ATP8A2: variants seen among roughly 807,000 people sequenced by gnomAD.
ATP8A2 encodes ATPase phospholipid transporting 8A2, also known as phospholipid-transporting ATPase IB.
ATP8A2 carries 100 observed loss-of-function variants against 165.6 expected under a neutral mutation model. That is an observed-to-expected ratio of 0.60 (90% CI 0.51 to 0.71). The LOEUF (loss-of-function observed/expected upper bound fraction) is 0.71, where lower values mean the gene tolerates loss of function less well. Ranked by LOEUF, ATP8A2 falls within the 30% of genes least tolerant of loss-of-function variation. The pLI is 0.00. For missense variants in ATP8A2, 1,227 were observed against 1,479.5 expected (o/e 0.83, Z 2.80); for synonymous variants, 543 against 548.8 (o/e 0.99, Z 0.15).
chr13:25,705,273 GAA>G lies in ATP8A2; in HGVS notation c.2384+5931_2384+5932del, dbSNP rs1172880282. On this transcript the variant is annotated intron_variant, in intron 25 of 36. Transcript: ENST00000381655. ...ATCTTTAAAGTGACTGTCTCGTCAGGAAAAGAGTCATGAAAGAATCATCAGTG... is the reference window on the plus strand; with the variant it reads ...ATCTTTAAAGTGACTGTCTCGTCAGGAAGAGTCATGAAAGAATCATCAGTG... 2.2e-5 allele frequency: 7 copies of G among 317,402 alleles called. No individual in the cohort carries two copies. The East Asian group carries it at 8.1e-4, about 37-fold the overall frequency. The allele number at this position is 317,402 out of a possible 1,614,324, so 19.7% of individuals were successfully genotyped here. A position where few individuals can be genotyped will look rare whatever the true frequency, so the allele number is the denominator to read the frequency against.
At chr13:25,916,835 T>A (rs1954282181) in intron 33 of ATP8A2, among the ~76,000 whole-genome samples, 2 of 152,160 alleles carry the variant, frequency 1.3e-5, no homozygotes, top group Non-Finnish European at 2.9e-5. Context: ...TTAGTTTGCT[T>A]CTCTTCTTTC....
chr13:25,694,573 C>T (rs1036737382), intron 24 of ATP8A2, among the ~76,000 whole-genome samples: 1 of 152,202 alleles, frequency 6.6e-6, no homozygotes, highest in Non-Finnish European at 1.5e-5. Context: ...ATTTTTTTCT[C>T]TCTACCCAAA....
chr13:25,868,447 C>T (rs1023896649), intron 33 of ATP8A2, among the ~76,000 whole-genome samples: 4 of 152,180 alleles, frequency 2.6e-5, no homozygotes, highest in Non-Finnish European at 4.4e-5. Context: ...AGCAGAGATT[C>T]ACCTTTCGGT....
chr13:26,019,747 C>T, intron 36 of ATP8A2, 141 bp from the exon 37 acceptor site: 1 of 609,264 alleles, frequency 1.6e-6, no homozygotes. Context: ...TTCTTCATCT[C>T]AAGCCTCCAC....
At chr13:25,915,542 A>T (rs1181999) in intron 33 of ATP8A2, among the ~76,000 whole-genome samples, 152,238 of 152,308 alleles carry the variant, frequency 1, 76,084 homozygotes, top group Middle Eastern at 1. Context: ...AATAAGTGAA[A>T]CATGGCCAAT....
At chr13:25,528,618 G>A (rs1244250015) in intron 2 of ATP8A2, among the ~76,000 whole-genome samples, 1 of 152,018 alleles carries the variant, frequency 6.6e-6, no homozygotes, top group Non-Finnish European at 1.5e-5. Flanking sequence ...CCTTCTATTG[G>A]GGTGCTTCTA....
At position 25,508,268 on chromosome 13, in the gene ATP8A2, G is replaced by A. The variant is rs1011784013; in HGVS notation, c.222-21731G>A. 3.9e-5 allele frequency among the ~76,000 whole-genome samples: 6 copies of A among 152,112 alleles called. No homozygotes were observed. In the East Asian group the frequency reaches 5.8e-4, roughly 15 times the overall value. On this transcript the variant is annotated intron_variant, in intron 2 of 36. Transcript: ENST00000381655. Reference sequence around the variant, plus strand: ...AACTTAGGAAATCTGAATGCAGTGCGGACTTTAGTTTAATTTTTAACAACC... The same window carrying A: ...AACTTAGGAAATCTGAATGCAGTGCAGACTTTAGTTTAATTTTTAACAACC...
At chr13:25,620,382 G>A (rs1445814971) in intron 24 of ATP8A2, among the ~76,000 whole-genome samples, 1 of 152,150 alleles carries the variant, frequency 6.6e-6, no homozygotes, top group Non-Finnish European at 1.5e-5. Flanking sequence ...TTTGAAGAAT[G>A]GGGTTAAAAT....
At chr13:25,945,979 G>A (rs1955198998) in intron 33 of ATP8A2, among the ~76,000 whole-genome samples, 1 of 152,204 alleles carries the variant, frequency 6.6e-6, no homozygotes, top group Non-Finnish European at 1.5e-5. Context: ...TTCATTCTAG[G>A]ACCTCTCAGG....
chr13:25,553,272 T>G (rs1230580461), intron 11 of ATP8A2, among the ~76,000 whole-genome samples: 1 of 151,372 alleles, frequency 6.6e-6, no homozygotes, highest in Non-Finnish European at 1.5e-5. Context: ...TGTTCCATCC[T>G]TAGGGAACTT....
At chr13:25,775,091 TG>T in intron 27 of ATP8A2, 132 bp downstream of exon 27, 1 of 587,522 alleles carries the variant, frequency 1.7e-6, no homozygotes, top group Non-Finnish European at 3.0e-6. Flanking sequence ...TTCTACAGCC[TG>T]GGTCACATGT....
At position 25,895,113 on chromosome 13, in the gene ATP8A2, AT is replaced by A. The variant is rs1759335965; in HGVS notation, c.3183+32710del. 3.9e-5 allele frequency among the ~76,000 whole-genome samples: 6 copies of A among 152,216 alleles called. No homozygotes were observed. In the South Asian group the frequency reaches 1.2e-3, roughly 32 times the overall value. On this transcript the variant is annotated intron_variant, in intron 33 of 36. Coordinates refer to ENST00000381655, the MANE Select transcript of ATP8A2 (RefSeq NM_016529.6). Reference sequence around the variant, plus strand: ...AGAGAGGGCATCCCTGTCTTGTGCCATTTTTCAAAAAGAATGCTTCCAGTTT... The same window carrying A: ...AGAGAGGGCATCCCTGTCTTGTGCCATTTTCAAAAAGAATGCTTCCAGTTT...
chr13:25,552,829 G>A (rs2038864309), intron 11 of ATP8A2, among the ~76,000 whole-genome samples: 1 of 151,990 alleles, frequency 6.6e-6, no homozygotes, highest in African/African-American at 2.4e-5. Flanking sequence ...AAAATTACTG[G>A]CCAGCATATG....
At chr13:25,857,678 C>A (rs1198632083) in intron 30 of ATP8A2, among the ~76,000 whole-genome samples, 5 of 140,586 alleles carry the variant, frequency 3.6e-5, no homozygotes, top group Non-Finnish European at 4.5e-5. Flanking sequence ...TCAAGTGATT[C>A]TCCTGCCTCA....
intron 1 of ATP8A2, among the ~76,000 whole-genome samples, chr13:25,456,115 A>T (rs1330289786): frequency 6.6e-6 from 1 of 152,128 alleles, no homozygotes; most frequent in East Asian, 1.9e-4. Flanking sequence ...ACTGCACGGG[A>T]TGTTCTTCTC....
intron 26 of ATP8A2, among the ~76,000 whole-genome samples, chr13:25,771,607 G>T (rs1406313833): frequency 6.6e-6 from 1 of 152,204 alleles, no homozygotes; most frequent in African/African-American, 2.4e-5. Context: ...GAAGGGTGGA[G>T]CAGGGAGCGA....
intron 33 of ATP8A2, among the ~76,000 whole-genome samples, chr13:25,905,525 A>G (rs1404409980): frequency 6.6e-6 from 1 of 151,946 alleles, no homozygotes; most frequent in Non-Finnish European, 1.5e-5. Flanking sequence ...ATCCCGTGCT[A>G]TCCCTGTGCT....
intron 27 of ATP8A2, among the ~76,000 whole-genome samples, chr13:25,818,958 C>G (rs1041042185): frequency 1.2e-4 from 19 of 152,118 alleles, no homozygotes; most frequent in African/African-American, 4.3e-4. Context: ...TTCTCTTCTT[C>G]TACATAATTC....
intron 1 of ATP8A2, among the ~76,000 whole-genome samples, chr13:25,460,868 T>C (rs1031499065): frequency 3.3e-5 from 5 of 152,330 alleles, no homozygotes; most frequent in African/African-American, 1.2e-4. Context: ...TTGCCCTGTT[T>C]CTTTGGCCCC....
Sources: allele counts gnomAD v4.1 joint callset (sites outside exome capture counted in the v4.1 genomes callset), GRCh38; gene constraint gnomAD v4.1.1; transcripts MANE v1.5; gene names NCBI Gene and HGNC (gene_info 2026-07-23, HGNC 2026-07-21).